ASB4: variants seen among roughly 807,000 people sequenced by gnomAD.
The protein encoded by ASB4 is ankyrin repeat and SOCS box protein 4.
Under a neutral mutation model 38.6 loss-of-function variants are expected in ASB4, and 35 were observed. The observed-to-expected ratio is 0.91, with a 90% confidence interval of 0.69 to 1.20. The LOEUF (loss-of-function observed/expected upper bound fraction) is 1.20. Among genes scored for constraint, ASB4 ranks in the 50% most tolerant of loss-of-function variants. The pLI, the probability that ASB4 is intolerant of heterozygous loss-of-function variation, is 0.00. For synonymous variants in ASB4, 195 were observed against 201.3 expected (o/e 0.97, Z 0.26); for missense variants, 557 against 527.2 (o/e 1.06, Z -0.55).
intron 3 of ASB4, among the ~76,000 whole-genome samples, chr7:95,529,905 T>C (rs746595931): frequency 1.2e-4 from 19 of 152,084 alleles, no homozygotes; most frequent in Non-Finnish European, 2.8e-4. Context: ...AGAGTAAGTG[T>C]CAAGTTCACT....
the ASB4 span, among the ~76,000 whole-genome samples, chr7:95,549,398 C>G: frequency 0.44 from 65,480 of 149,438 alleles, 14,686 homozygotes; most frequent in East Asian, 0.82. Flanking sequence ...CCGGGTTCAC[C>G]CCATTCTCCT....
chr7:95,481,883 A>G (rs1790023956), upstream of ASB4, among the ~76,000 whole-genome samples: 1 of 152,168 alleles, frequency 6.6e-6, no homozygotes, highest in Non-Finnish European at 1.5e-5. Flanking sequence ...CATCTTATAG[A>G]ATGGAGAGTT....
At chr7:95,485,155 T>G (rs554996360), upstream of ASB4, among the ~76,000 whole-genome samples, 77 of 152,154 alleles carry the variant, frequency 5.1e-4, 1 homozygote, top group South Asian at 0.016. Context: ...ATTTATCCCT[T>G]AATGTATCAC....
intron 2 of ASB4, among the ~76,000 whole-genome samples, chr7:95,512,944 T>C (rs1790502970): frequency 6.6e-6 from 1 of 152,226 alleles, no homozygotes; most frequent in African/African-American, 2.4e-5. Flanking sequence ...TTTGCAGATG[T>C]GATTAAATTA....
Position 95,528,199 on chromosome 7 carries a change from G to A in ASB4, c.874G>A (p.Val292Met), listed in dbSNP as rs1172134558. ...DINGCAAIQY[V>M]LKVTSVRPAA... ...CAACGGCTGTGCTGCCATCCAGTAC[G>A]TGCTGAAGGTCACCTCCGTGCGCCC... The change falls in exon 3 of 5, where the codon GTG (valine) becomes ATG (methionine). Residue 292 changes from valine (V) to methionine (M), a missense_variant. By Grantham distance (21) the Val-to-Met change is conservative (BLOSUM62 1). Transcript: ENST00000325885. 3 of 1,614,184 alleles carry A rather than the reference G, an allele frequency of 1.9e-6. No individual in the cohort carries two copies. Among genetic ancestry groups the A allele is most frequent in the African/African-American group, 1.3e-5 (1 of 75,044 alleles).
chr7:95,525,424 A>T, intron 2 of ASB4, among the ~76,000 whole-genome samples: 1 of 152,362 alleles, frequency 6.6e-6, no homozygotes, highest in Non-Finnish European at 1.5e-5. Flanking sequence ...AAAATAAAAA[A>T]GTAGCCAAAT....
intron 2 of ASB4, among the ~76,000 whole-genome samples, chr7:95,519,809 T>C (rs1790635081): frequency 1.3e-5 from 2 of 152,154 alleles, no homozygotes; most frequent in Non-Finnish European, 1.5e-5. Flanking sequence ...AGTCATGCAT[T>C]TGAGGACTGG....
At chr7:95,518,353 G>A (rs749472207) in intron 2 of ASB4, among the ~76,000 whole-genome samples, 3 of 152,250 alleles carry the variant, frequency 2.0e-5, no homozygotes, top group Non-Finnish European at 4.4e-5. Flanking sequence ...CCATGATATT[G>A]TGATAGTGGG....
upstream of ASB4, among the ~76,000 whole-genome samples, chr7:95,485,286 G>A (rs894325003): frequency 3.9e-5 from 6 of 151,942 alleles, no homozygotes; most frequent in Admixed American, 3.3e-4. Flanking sequence ...TTAAAAAACA[G>A]GATTCAATAA....
At chr7:95,531,338 A>G (rs1790817028) in intron 3 of ASB4, among the ~76,000 whole-genome samples, 1 of 152,202 alleles carries the variant, frequency 6.6e-6, no homozygotes, top group East Asian at 1.9e-4. Flanking sequence ...CTACCTCTGT[A>G]ATACAGCTCA....
At chr7:95,517,764 T>C (rs1401214730) in intron 2 of ASB4, among the ~76,000 whole-genome samples, 4 of 152,054 alleles carry the variant, frequency 2.6e-5, no homozygotes, top group Non-Finnish European at 2.9e-5. Context: ...CAAGGTTTGA[T>C]GGACTGAGGA....
chr7:95,527,680 G>C, intron 2 of ASB4, 133 bp from the exon 3 acceptor site: 1 of 887,550 alleles, frequency 1.1e-6, no homozygotes, highest in Non-Finnish European at 1.7e-6. Context: ...GGGGCAAAGG[G>C]GTTGAGGGTT....
intron 1 of ASB4, among the ~76,000 whole-genome samples, chr7:95,490,819 C>T (rs565953611): frequency 2.6e-5 from 4 of 152,378 alleles, no homozygotes; most frequent in South Asian, 2.1e-4. Flanking sequence ...CACACGCGCA[C>T]GCGTGCACAC....
intron 3 of ASB4, among the ~76,000 whole-genome samples, chr7:95,533,285 A>T (rs1790843823): frequency 6.6e-6 from 1 of 152,190 alleles, no homozygotes; most frequent in Non-Finnish European, 1.5e-5. Context: ...AGTAGTAAAG[A>T]TGATATTCTG....
chr7:95,499,777 A>G (rs1790306321), intron 2 of ASB4, among the ~76,000 whole-genome samples: 1 of 152,142 alleles, frequency 6.6e-6, no homozygotes, highest in African/African-American at 2.4e-5. Flanking sequence ...CATAGAAAGA[A>G]AACAGCTGAA....
At chr7:95,535,620 T>G (rs1790880432) in intron 3 of ASB4, among the ~76,000 whole-genome samples, 1 of 152,222 alleles carries the variant, frequency 6.6e-6, no homozygotes, top group African/African-American at 2.4e-5. Flanking sequence ...TGTAGTTTAA[T>G]CTAAATGTTA....
At position 95,522,800 on chromosome 7, in the gene ASB4, A is replaced by G. The variant is rs375110950; in HGVS notation, c.488-5013A>G. 5.3e-5 allele frequency among the ~76,000 whole-genome samples: 8 copies of G among 152,318 alleles called. No homozygotes were observed. The East Asian group carries it at 1.4e-3, about 26-fold the overall frequency. On this transcript the variant is annotated intron_variant, in intron 2 of 4. Coordinates refer to ENST00000325885, the MANE Select transcript of ASB4 (RefSeq NM_016116.3). Reference sequence around the variant, plus strand: ...AAACCAGTGTTTCTTTTGCCCACAGATGAAATCTGAAAATTCCCTCTTCTT... The same window carrying G: ...AAACCAGTGTTTCTTTTGCCCACAGGTGAAATCTGAAAATTCCCTCTTCTT...
intron 2 of ASB4, among the ~76,000 whole-genome samples, chr7:95,522,025 T>C (rs1189794163): frequency 6.6e-6 from 1 of 152,106 alleles, no homozygotes; most frequent in Non-Finnish European, 1.5e-5. Context: ...CAGGTGTCAA[T>C]ATTTTCTGGA....
intron 2 of ASB4, among the ~76,000 whole-genome samples, chr7:95,515,029 C>T (rs1790535006): frequency 6.6e-6 from 1 of 152,170 alleles, no homozygotes; most frequent in African/African-American, 2.4e-5. Flanking sequence ...CTAGGCATCC[C>T]TGTGTTTAAC....
Sources: allele counts gnomAD v4.1 joint callset (sites outside exome capture counted in the v4.1 genomes callset), GRCh38; gene constraint gnomAD v4.1.1; transcripts MANE v1.5; gene names NCBI Gene and HGNC (gene_info 2026-07-23, HGNC 2026-07-21).